Variants in MAGI2 observed in about 807,000 individuals in gnomAD.
MAGI2 encodes membrane-associated guanylate kinase, WW and PDZ domain-containing protein 2.
A neutral mutation model predicts 133.3 loss-of-function variants in MAGI2; 35 were observed. The observed-to-expected ratio is 0.26, with a 90% CI of 0.20 to 0.35. MAGI2 has a LOEUF of 0.35. Ranked by LOEUF, MAGI2 falls within the 10% of genes least tolerant of loss-of-function variation. The pLI is 1.00. For missense variants in MAGI2, 1,636 were observed against 1,863.4 expected (o/e 0.88, Z 2.25); for synonymous variants, 729 against 710.6 (o/e 1.03, Z -0.41).
At chr7:78,136,754 G>A (rs964608347) in intron 16 of MAGI2, among the ~76,000 whole-genome samples, 2 of 152,354 alleles carry the variant, frequency 1.3e-5, no homozygotes, top group Admixed American at 1.3e-4. Context: ...ATGTTTCAGG[G>A]ATGTCTAGTC....
At chr7:79,390,249 A>G (rs1844502088) in intron 1 of MAGI2, among the ~76,000 whole-genome samples, 1 of 152,074 alleles carries the variant, frequency 6.6e-6, no homozygotes, top group African/African-American at 2.4e-5. Flanking sequence ...ACGCAATTCC[A>G]CTCTGGATGG....
chr7:79,280,752 C>T (rs1236324971), intron 1 of MAGI2, among the ~76,000 whole-genome samples: 1 of 151,352 alleles, frequency 6.6e-6, no homozygotes, highest in East Asian at 2.0e-4. Flanking sequence ...GGCAAGATCA[C>T]ACCTCTACAC....
intron 6 of MAGI2, among the ~76,000 whole-genome samples, chr7:78,438,612 C>T (rs1787293678): frequency 6.6e-6 from 1 of 152,084 alleles, no homozygotes. Context: ...CCGTTGCTGT[C>T]CTCTCAGTGA....
chr7:78,202,199 C>G (rs1829314518), intron 10 of MAGI2, among the ~76,000 whole-genome samples: 1 of 152,092 alleles, frequency 6.6e-6, no homozygotes, highest in South Asian at 2.1e-4. Context: ...CTATGTTTAT[C>G]ATCTTTAAAA....
chr7:78,466,979 CA>C (rs1281184533), intron 6 of MAGI2, among the ~76,000 whole-genome samples: 1 of 152,084 alleles, frequency 6.6e-6, no homozygotes, highest in Non-Finnish European at 1.5e-5. Context: ...CAAATTCACA[CA>C]AAAGCACAGA....
chr7:79,201,101 G>A (rs1007339705), intron 1 of MAGI2, among the ~76,000 whole-genome samples: 1 of 151,988 alleles, frequency 6.6e-6, no homozygotes, highest in African/African-American at 2.4e-5. Context: ...TCTTTGTCAG[G>A]AGAGGGGTGG....
chr7:78,979,380 C>T (rs1274730040), intron 2 of MAGI2, among the ~76,000 whole-genome samples: 1 of 151,784 alleles, frequency 6.6e-6, no homozygotes, highest in Non-Finnish European at 1.5e-5. Flanking sequence ...GGGATTATAT[C>T]AAAGTGACAC....
chr7:78,406,817 A>G (rs993779213), intron 6 of MAGI2, among the ~76,000 whole-genome samples: 1 of 152,084 alleles, frequency 6.6e-6, no homozygotes, highest in Non-Finnish European at 1.5e-5. Context: ...AAACATCTGG[A>G]AGAGTGAAAG....
intron 6 of MAGI2, among the ~76,000 whole-genome samples, chr7:78,390,651 G>A (rs1257233280): frequency 6.6e-6 from 1 of 150,704 alleles, no homozygotes; most frequent in Non-Finnish European, 1.5e-5. Context: ...GTGGGGGGTG[G>A]AGGGGAAGCT....
At chr7:78,841,842 A>G (rs1033410105) in intron 2 of MAGI2, among the ~76,000 whole-genome samples, 8 of 151,862 alleles carry the variant, frequency 5.3e-5, no homozygotes, top group Non-Finnish European at 5.9e-5. Flanking sequence ...CACAGCTTAA[A>G]CATGATTTTC....
chr7:78,849,877 T>C (rs550901586), intron 2 of MAGI2, among the ~76,000 whole-genome samples: 1 of 152,182 alleles, frequency 6.6e-6, no homozygotes, highest in Non-Finnish European at 1.5e-5. Flanking sequence ...AATTTTTTTC[T>C]CATGGAAATA....
chr7:78,072,168 C>T lies in MAGI2; in HGVS notation c.3706+6779G>A, dbSNP rs546989020. On this transcript the variant is annotated intron_variant, in intron 21 of 21. Transcript: ENST00000354212. ...CAGACAAGGTCTCAGTAGAGATTTA[C>T]CCCCACTCAGCAAGTTCTTTCTTCA... Among the ~76,000 whole-genome samples, 70 of 152,244 alleles carry T rather than the reference C, an allele frequency of 4.6e-4. No individual in the cohort carries two copies. In the South Asian group the frequency reaches 0.014, roughly 30 times the overall value.
At chr7:79,292,316 T>A (rs2129558864) in intron 1 of MAGI2, among the ~76,000 whole-genome samples, 1 of 152,212 alleles carries the variant, frequency 6.6e-6, no homozygotes, top group South Asian at 2.1e-4. Flanking sequence ...GATTACTGTA[T>A]CTTTGTAGCA....
intron 1 of MAGI2, among the ~76,000 whole-genome samples, chr7:79,245,046 A>C (rs887945397): frequency 6.6e-6 from 1 of 152,114 alleles, no homozygotes; most frequent in Non-Finnish European, 1.5e-5. Flanking sequence ...CACTTCCTTA[A>C]AGGTAAAGAC....
At chr7:78,448,946 C>T (rs534644999) in intron 6 of MAGI2, among the ~76,000 whole-genome samples, 15 of 151,944 alleles carry the variant, frequency 9.9e-5, no homozygotes, top group Non-Finnish European at 1.8e-4. Flanking sequence ...TTTTACCTTG[C>T]CATTTAACAG....
chr7:78,995,325 C>A (rs188429376), intron 2 of MAGI2, among the ~76,000 whole-genome samples: 2 of 152,200 alleles, frequency 1.3e-5, no homozygotes, highest in East Asian at 3.9e-4. Flanking sequence ...TATATTTAAT[C>A]TTTCTTCCTA....
intron 1 of MAGI2, among the ~76,000 whole-genome samples, chr7:79,035,955 T>C (rs1466533120): frequency 6.6e-6 from 1 of 152,192 alleles, no homozygotes; most frequent in African/African-American, 2.4e-5. Context: ...AATTTAAAAA[T>C]TGTTTGAATA....
intron 21 of MAGI2, among the ~76,000 whole-genome samples, chr7:78,039,401 G>A (rs1489656488): frequency 6.6e-6 from 1 of 152,208 alleles, no homozygotes; most frequent in Non-Finnish European, 1.5e-5. Flanking sequence ...TGTGACTTTG[G>A]TTTATTCATG....
chr7:78,343,248 C>T (rs780134289), intron 9 of MAGI2, among the ~76,000 whole-genome samples: 5 of 152,044 alleles, frequency 3.3e-5, no homozygotes, highest in Non-Finnish European at 5.9e-5. Flanking sequence ...GAGTAGACAT[C>T]TGAGTAATTA....
Sources: gnomAD v4.1 joint callset for allele counts (sites outside exome capture counted in the v4.1 genomes callset) on GRCh38, gnomAD v4.1.1 for gene constraint, MANE v1.5 for transcripts, NCBI Gene and HGNC (gene_info 2026-07-23, HGNC 2026-07-21) for gene names.